The following CEBPZ variants were observed in gnomAD, a reference collection of about 807,000 sequenced individuals.
The protein encoded by CEBPZ is CCAAT/enhancer-binding protein zeta.
CEBPZ carries 78 observed loss-of-function variants against 104.5 expected under a neutral mutation model. That is an observed-to-expected ratio of 0.75 (90% confidence interval 0.62 to 0.90). The LOEUF is 0.90. Among genes scored for constraint, CEBPZ ranks in the 40% least tolerant of loss-of-function variants. The pLI is 0.00. For missense variants in CEBPZ, 1,439 were observed against 1,233.5 expected (o/e 1.17, Z -2.50); for synonymous variants, 470 against 427.0 (o/e 1.10, Z -1.24).
At position 37,216,387 on chromosome 2, in the gene CEBPZ, A is replaced by G; in HGVS notation, c.2240T>C (p.Leu747Pro). The G allele has an allele frequency of 6.2e-7, 1 of 1,613,780 alleles. No individual in the cohort carries two copies. Among genetic ancestry groups the G allele is most frequent in the Non-Finnish European group, 8.5e-7 (1 of 1,179,852 alleles). The change falls in exon 7 of 16, where the codon CTG (leucine) becomes CCG (proline). Residue 747 changes from leucine (L) to proline (P), a missense_variant. By Grantham distance (98) the Leu-to-Pro change is moderately conservative. Coordinates refer to ENST00000234170, the MANE Select transcript of CEBPZ (RefSeq NM_005760.3). ...GNYIQYSGDP[L>P]QDFTLMRFLD... is the part of the protein sequence containing the mutation. ...AAATCTCATTAGAGTGAAATCCTGCAGTGGGTCCCCTGAATACTGAATATA... is the reference window on the plus strand; with the variant it reads ...AAATCTCATTAGAGTGAAATCCTGCGGTGGGTCCCCTGAATACTGAATATA...
intron 4 of CEBPZ, among the ~76,000 whole-genome samples, chr2:37,221,684 T>G: frequency 6.6e-6 from 1 of 152,226 alleles, no homozygotes; most frequent in South Asian, 2.1e-4. Flanking sequence ...AACTGATGGA[T>G]TCTTCTCAAA....
Position 37,214,914 on chromosome 2 carries a change from T to G in CEBPZ, c.2419A>C (p.Ile807Leu). ...TGGAAAAACACTTCATCCACTGGTATTTGGCTTTCTTCTTTTGCAAGGAAC... is the reference window on the plus strand; with the variant it reads ...TGGAAAAACACTTCATCCACTGGTAGTTGGCTTTCTTCTTTTGCAAGGAAC... ...KEFLAKEESQ[I>L]PVDEVFFHRY... The change falls in exon 9 of 16, where the codon ATA becomes CTA. Residue 807 changes from isoleucine to leucine, a missense_variant. Coordinates refer to ENST00000234170, the MANE Select transcript of CEBPZ (RefSeq NM_005760.3). 6.2e-7 allele frequency: 1 copy of G among 1,611,110 alleles called. No homozygotes were observed. The highest frequency in any genetic ancestry group is 1.3e-5 in the African/African-American group (1 of 75,004).
chr2:37,211,358 T>C, intron 12 of CEBPZ: 1 of 278,904 alleles, frequency 3.6e-6, no homozygotes, highest in Non-Finnish European at 6.6e-6. Flanking sequence ...AAGAAACTTC[T>C]GCTGTGGTTC....
At chr2:37,226,164 G>A (rs1005727647) in intron 2 of CEBPZ, among the ~76,000 whole-genome samples, 20 of 151,742 alleles carry the variant, frequency 1.3e-4, no homozygotes, top group African/African-American at 4.6e-4. Context: ...GCTGAACGCT[G>A]GTTCCCCGGT....
At chr2:37,201,992 C>A in intron 15 of CEBPZ, 89 bp from the exon 16 acceptor site, 2 of 1,290,660 alleles carry the variant, frequency 1.5e-6, no homozygotes, top group Non-Finnish European at 1.1e-6. Context: ...ACAGGAACTT[C>A]TAGCCTGCCT....
chr2:37,222,780 C>CTTAAGGA (rs1175764614), intron 3 of CEBPZ, among the ~76,000 whole-genome samples: 1 of 152,172 alleles, frequency 6.6e-6, no homozygotes, highest in Non-Finnish European at 1.5e-5. Context: ...GAGCTAAGAA[C>CTTAAGGA]CCCTGAGCCT....
intron 5 of CEBPZ, among the ~76,000 whole-genome samples, chr2:37,219,048 G>T (rs1262441873): frequency 6.6e-6 from 1 of 152,140 alleles, no homozygotes; most frequent in African/African-American, 2.4e-5. Flanking sequence ...GTGGTTACAA[G>T]ATTTTTAAAA....
At position 37,227,687 on chromosome 2, in the gene CEBPZ, G is replaced by A; in HGVS notation, c.1506C>T (p.Asp502=). The A allele has an allele frequency of 6.2e-7, 1 of 1,614,118 alleles. No individual in the cohort carries two copies. The highest frequency in any genetic ancestry group is 8.5e-7 in the Non-Finnish European group (1 of 1,180,038). Residue 502 remains aspartate, a synonymous_variant, in exon 2 of 16, where the codon GAC becomes GAT. Coordinates refer to ENST00000234170, the MANE Select transcript of CEBPZ (RefSeq NM_005760.3). ...GTGTGTCAATCTGCTCCCTTACTTT[G>A]TCATCACCAGTCTGGGAATAAGGGT... ...RAYPYSQTGD[D]KVREQIDTLF...
chr2:37,206,478 C>T (rs1334077541), intron 13 of CEBPZ, among the ~76,000 whole-genome samples: 1 of 152,222 alleles, frequency 6.6e-6, no homozygotes, highest in Admixed American at 6.5e-5. Flanking sequence ...GTACCTCAGC[C>T]TCCTCAGTAG....
chr2:37,216,440 T>C (rs1320577988), intron 6 of CEBPZ, 22 bp from the exon 7 acceptor site: 2 of 1,512,838 alleles, frequency 1.3e-6, no homozygotes, highest in Non-Finnish European at 1.8e-6. Context: ...AGCGGGGATT[T>C]AAAAACTTAA....
intron 5 of CEBPZ, among the ~76,000 whole-genome samples, chr2:37,219,665 T>C (rs1664718426): frequency 6.6e-6 from 1 of 152,208 alleles, no homozygotes; most frequent in African/African-American, 2.4e-5. Flanking sequence ...CTGCATAAGA[T>C]ACTTACTGGC....
At position 37,223,195 on chromosome 2, in the gene CEBPZ, A is replaced by T. The variant is rs899172047; in HGVS notation, c.1856T>A (p.Leu619Ter). The T allele has an allele frequency of 6.2e-7, 1 of 1,613,928 alleles. No homozygotes were observed. The highest frequency in any genetic ancestry group is 1.1e-5 in the South Asian group (1 of 91,066). Residue 619 changes from leucine (L) to a stop codon, truncating the protein, a stop_gained, in exon 3 of 16, where the codon TTA becomes TAA. Transcript: ENST00000234170. LOFTEE classifies it high-confidence loss of function. ...CGGATGATCATCTAGTTGGCTTCTT[A>T]AACCTGGTTTTGCTTTAAGGATCTC... ...VSEILKAKPG[L>*]RSQLDDHPES... is the part of the protein sequence containing the mutation.
chr2:37,223,811 T>C (rs1050135019), intron 2 of CEBPZ, among the ~76,000 whole-genome samples: 18 of 152,194 alleles, frequency 1.2e-4, no homozygotes, highest in African/African-American at 4.3e-4. Context: ...AACTACCTAC[T>C]AGCAGGGGGA....
At chr2:37,211,141 T>C in intron 12 of CEBPZ, 59 bp from the exon 13 acceptor site, 1 of 1,093,608 alleles carries the variant, frequency 9.1e-7, no homozygotes, top group Non-Finnish European at 1.4e-6. Flanking sequence ...TGGAAAATAT[T>C]ACTCCAAGAT....
In CEBPZ at chr2:37,228,554, A is replaced by T; in HGVS notation, c.639T>A (p.Tyr213Ter). 3.7e-6 allele frequency: 6 copies of T among 1,614,184 alleles called. No individual in the cohort carries two copies. Among genetic ancestry groups the T allele is most frequent in the Non-Finnish European group, 5.1e-6 (6 of 1,180,042 alleles). Residue 213 changes from tyrosine (Y) to a stop codon, truncating the protein, a stop_gained, in exon 2 of 16, where the codon TAT becomes TAA. Coordinates refer to ENST00000234170, the MANE Select transcript of CEBPZ (RefSeq NM_005760.3). LOFTEE classifies it high-confidence loss of function. Reference sequence around the variant, plus strand: ...TTTTGAATAAGTTGATTTCATGCTGATACAGCTTCTGAGCAAGGGTTTTGT... The same window carrying T: ...TTTTGAATAAGTTGATTTCATGCTGTTACAGCTTCTGAGCAAGGGTTTTGT... ...SKYKTLAQKLYQHEINLFKSK... is the reference protein window; with the variant it reads ...SKYKTLAQKL
rs1274326615 is a variant in CEBPZ at position 37,227,801 on chromosome 2, AAC to A, written c.1390_1391del (p.Val464LeufsTer15). 1.2e-6 allele frequency: 2 copies of A among 1,613,972 alleles called. No individual in the cohort carries two copies. Among genetic ancestry groups the A allele is most frequent in the African/African-American group, 1.3e-5 (1 of 74,916 alleles). On this transcript the variant is annotated frameshift_variant, in exon 2 of 16. Coordinates refer to ENST00000234170, the MANE Select transcript of CEBPZ (RefSeq NM_005760.3). LOFTEE classifies it high-confidence loss of function. ...CACAAGTCCGAAAAAAGCAAAAGTA[AAC>A]AGTTATTAATTTGTTAGCCAATTCA... ...ESELANKLIT[V>X]YFCFFRTCVK...
At chr2:37,210,912 A>C in intron 13 of CEBPZ, 87 bp downstream of exon 13, 2 of 749,936 alleles carry the variant, frequency 2.7e-6, no homozygotes, top group East Asian at 6.8e-5. Context: ...TTTATTAATC[A>C]AATTTAGGAG....
chr2:37,205,519 CT>C (rs1156832091), intron 13 of CEBPZ, among the ~76,000 whole-genome samples: 5 of 152,302 alleles, frequency 3.3e-5, no homozygotes, highest in East Asian at 3.9e-4. Flanking sequence ...GGCCCCACCC[CT>C]ATCTCCCTTC....
intron 6 of CEBPZ, among the ~76,000 whole-genome samples, chr2:37,216,758 A>C (rs983397300): frequency 2.5e-4 from 38 of 152,336 alleles, no homozygotes; most frequent in African/African-American, 8.7e-4. Flanking sequence ...GCTAGAAGGT[A>C]ATAAATAAAT....
Sources: gnomAD v4.1 joint callset for allele counts (sites outside exome capture counted in the v4.1 genomes callset) on GRCh38, gnomAD v4.1.1 for gene constraint, MANE v1.5 for transcripts, NCBI Gene and HGNC (gene_info 2026-07-23, HGNC 2026-07-21) for gene names.